Variants in DGKI observed in about 807,000 individuals in gnomAD.
DGKI encodes the protein diacylglycerol kinase iota.
A neutral mutation model predicts 147.5 loss-of-function variants in DGKI; 55 were observed. That is an observed-to-expected ratio of 0.37 (90% CI 0.30 to 0.47). DGKI has a LOEUF of 0.47. Among genes scored for constraint, DGKI ranks in the 20% least tolerant of loss-of-function variants. The probability of loss-of-function intolerance (pLI) is 1.00; values close to 1 mark genes in which losing one functional copy is unlikely to be tolerated. For missense variants in DGKI, 1,007 were observed against 1,323.8 expected, an observed-to-expected ratio of 0.76 and a Z score of 3.71; for synonymous variants, 469 against 477.1, an observed-to-expected ratio of 0.98 and a Z score of 0.22.
chr7:137,514,682 T>C (rs1816694403), intron 21 of DGKI, among the ~76,000 whole-genome samples: 1 of 152,152 alleles, frequency 6.6e-6, no homozygotes, highest in Admixed American at 6.6e-5. Flanking sequence ...TTTACACTCT[T>C]ATGCAATACA....
chr7:137,807,261 T>G (rs1382045213), intron 1 of DGKI, among the ~76,000 whole-genome samples: 1 of 152,234 alleles, frequency 6.6e-6, no homozygotes, highest in Admixed American at 6.5e-5. Context: ...TCAAAAACCT[T>G]CACCCAAGAT....
chr7:137,724,364 G>A (rs1385476723), intron 1 of DGKI, among the ~76,000 whole-genome samples: 2 of 152,140 alleles, frequency 1.3e-5, no homozygotes, highest in African/African-American at 4.8e-5. Flanking sequence ...TGTTTTCAAG[G>A]GTCACATTCG....
At chr7:137,691,866 A>G (rs895917828) in intron 1 of DGKI, among the ~76,000 whole-genome samples, 8 of 137,182 alleles carry the variant, frequency 5.8e-5, no homozygotes, top group African/African-American at 2.2e-4. Flanking sequence ...TATAGGGGGT[A>G]GGTCTTCAGT....
chr7:137,789,755 C>A (rs757905054), intron 1 of DGKI, among the ~76,000 whole-genome samples: 1 of 152,200 alleles, frequency 6.6e-6, no homozygotes, highest in African/African-American at 2.4e-5. Context: ...ACACAAGCAA[C>A]ATTCCTATCA....
chr7:137,600,311 G>A (rs571493265), intron 10 of DGKI, among the ~76,000 whole-genome samples: 3 of 152,260 alleles, frequency 2.0e-5, no homozygotes, highest in Admixed American at 2.0e-4. Context: ...CTAATTATAA[G>A]CAGTATAGAA....
chr7:137,661,492 G>A (rs1000859312), intron 3 of DGKI, among the ~76,000 whole-genome samples: 2 of 152,108 alleles, frequency 1.3e-5, no homozygotes, highest in East Asian at 1.9e-4. Context: ...AGGGCCAGAG[G>A]GGGGCCACAT....
chr7:137,508,118 A>G (rs2128946200), intron 21 of DGKI, among the ~76,000 whole-genome samples: 1 of 151,542 alleles, frequency 6.6e-6, no homozygotes, highest in African/African-American at 2.4e-5. Context: ...AAGGATGGGT[A>G]GATACTAATA....
At chr7:137,695,520 T>C (rs17179653) in intron 1 of DGKI, among the ~76,000 whole-genome samples, 7,219 of 152,224 alleles carry the variant, frequency 0.047, 223 homozygotes, top group Non-Finnish European at 0.071. Flanking sequence ...CATAATAAAT[T>C]TCCCATTTTT....
At chr7:137,723,010 C>T (rs550627334) in intron 1 of DGKI, among the ~76,000 whole-genome samples, 1 of 152,238 alleles carries the variant, frequency 6.6e-6, no homozygotes, top group East Asian at 1.9e-4. Flanking sequence ...CTTATTTTCC[C>T]CATCTGTAAA....
At chr7:137,631,975 C>G (rs1020657915) in intron 6 of DGKI, among the ~76,000 whole-genome samples, 1 of 152,142 alleles carries the variant, frequency 6.6e-6, no homozygotes, top group African/African-American at 2.4e-5. Flanking sequence ...GGCTCTCCCT[C>G]GTAGGTTAGA....
At position 137,656,515 on chromosome 7, in the gene DGKI, G is replaced by A. The variant is rs1295063460; in HGVS notation, c.632C>T (p.Ala211Val). The A allele has an allele frequency of 6.2e-7, 1 of 1,613,974 alleles. No individual in the cohort carries two copies. Among genetic ancestry groups the A allele is most frequent in the East Asian group, 2.2e-5 (1 of 44,894 alleles). Residue 211 changes from alanine to valine, a missense_variant, in exon 4 of 33, where the codon GCA (alanine) becomes GTA (valine). Transcript: ENST00000614521. ...FAKSALRRKC[A>V]VCKIVVHTAC... The stretch of plus-strand genomic sequence containing the variant: ...GGTGTGGACGACGATTTTACAGACT[G>A]CACACTTCCTCCTGAGAGCTGATTT...
chr7:137,409,633 A>G (rs1647184), intron 29 of DGKI, among the ~76,000 whole-genome samples: 128,069 of 151,856 alleles, frequency 0.84, 54,120 homozygotes, highest in East Asian at 1. Context: ...ATCCTGTTCC[A>G]TTCAACTGCG....
intron 30 of DGKI, among the ~76,000 whole-genome samples, chr7:137,399,917 A>T (rs977249416): frequency 6.6e-6 from 1 of 152,036 alleles, no homozygotes; most frequent in African/African-American, 2.4e-5. Context: ...TTCTCAAAAA[A>T]AAAAAAAAGA....
intron 5 of DGKI, among the ~76,000 whole-genome samples, chr7:137,648,203 A>G (rs1821897099): frequency 6.6e-6 from 1 of 152,226 alleles, no homozygotes; most frequent in Non-Finnish European, 1.5e-5. Flanking sequence ...AAGGAACAAT[A>G]TCATTGATGG....
chr7:137,403,645 G>A (rs1811843955), intron 30 of DGKI, among the ~76,000 whole-genome samples: 1 of 152,128 alleles, frequency 6.6e-6, no homozygotes, highest in South Asian at 2.1e-4. Context: ...GAATCCTTCA[G>A]AATTGCTATT....
chr7:137,802,348 T>G (rs1343414092), intron 1 of DGKI, among the ~76,000 whole-genome samples: 4 of 152,200 alleles, frequency 2.6e-5, no homozygotes, highest in Non-Finnish European at 4.4e-5. Flanking sequence ...AATGTATCCA[T>G]GTAACCTAAA....
rs148415050 is a variant in DGKI, at chr7:137,645,527, C to T, written c.749G>A (p.Arg250His). The change falls in exon 6 of 33, where the codon CGT becomes CAT. Residue 250 changes from arginine to histidine, a missense_variant. Coordinates refer to ENST00000614521, the MANE Select transcript of DGKI (RefSeq NM_001321708.2). ...CCGACGCCTGTGCACCCAGTGATGA[C>T]GTACAAAATTCTGTGGGAAAACAAA... ...GSRSPRENFV[R>H]HHWVHRRRQE... The T allele has an allele frequency of 3.6e-4, 580 of 1,612,708 alleles. No individual in the cohort carries two copies. Among genetic ancestry groups the T allele is most frequent in the Non-Finnish European group, 4.6e-4 (538 of 1,179,374 alleles).
intron 3 of DGKI, among the ~76,000 whole-genome samples, chr7:137,662,337 G>A (rs554366007): frequency 6.3e-4 from 94 of 149,872 alleles, no homozygotes; most frequent in South Asian, 5.3e-3. Context: ...TCTGCCTCCC[G>A]GGTTCACGCC....
chr7:137,518,202 G>A (rs761045751), intron 21 of DGKI, among the ~76,000 whole-genome samples: 1 of 152,020 alleles, frequency 6.6e-6, no homozygotes, highest in African/African-American at 2.4e-5. Flanking sequence ...TCACACCAAG[G>A]GTTCCATATA....
Sources: gnomAD v4.1 joint callset for allele counts (sites outside exome capture counted in the v4.1 genomes callset) on GRCh38, gnomAD v4.1.1 for gene constraint, MANE v1.5 for transcripts, NCBI Gene and HGNC (gene_info 2026-07-23, HGNC 2026-07-21) for gene names.